SLC14A2: variants seen among roughly 807,000 people sequenced by gnomAD.
SLC14A2 encodes the protein urea transporter 2.
In SLC14A2, 91 loss-of-function variants were observed where a neutral mutation model predicts 104.6. The observed-to-expected ratio is 0.87, with a 90% CI of 0.73 to 1.04. SLC14A2 has a LOEUF of 1.04. SLC14A2 is among the 50% of genes least tolerant of loss of function. The pLI is 0.00. For synonymous variants in SLC14A2, 476 were observed against 466.4 expected (o/e 1.02, Z -0.27); for missense variants, 1,189 against 1,156.0 (o/e 1.03, Z -0.41).
At chr18:45,351,158 AAAC>A (rs1203563656) in intron 1 of SLC14A2, among the ~76,000 whole-genome samples, 2 of 152,116 alleles carry the variant, frequency 1.3e-5, no homozygotes, top group Non-Finnish European at 2.9e-5. Context: ...CAATTGCTGG[AAAC>A]ATAATCACCT....
intron 10 of SLC14A2, among the ~76,000 whole-genome samples, chr18:45,659,108 G>A (rs1331938903): frequency 6.6e-6 from 1 of 152,168 alleles, no homozygotes; most frequent in Non-Finnish European, 1.5e-5. Context: ...CAGGTATGCC[G>A]AGGAGTTACT....
intron 1 of SLC14A2, among the ~76,000 whole-genome samples, chr18:45,297,873 G>A (rs1260777344): frequency 1.3e-5 from 2 of 152,146 alleles, no homozygotes; most frequent in African/African-American, 4.8e-5. Context: ...TGGCTGCTGG[G>A]TATGGGCATC....
intron 1 of SLC14A2, among the ~76,000 whole-genome samples, chr18:45,314,681 C>A (rs761155166): frequency 1.3e-5 from 2 of 152,166 alleles, no homozygotes; most frequent in Non-Finnish European, 2.9e-5. Context: ...AGAGAATAGG[C>A]ACATTTTTTG....
At chr18:45,428,229 T>G (rs2086463066) in intron 1 of SLC14A2, among the ~76,000 whole-genome samples, 1 of 152,210 alleles carries the variant, frequency 6.6e-6, no homozygotes, top group South Asian at 2.1e-4. Flanking sequence ...GCTAGACATT[T>G]ACAGGGAAAA....
chr18:45,258,540 G>T (rs1365755026), intron 1 of SLC14A2, among the ~76,000 whole-genome samples: 1 of 143,198 alleles, frequency 7.0e-6, no homozygotes, highest in Non-Finnish European at 1.5e-5. Flanking sequence ...GGATAAGCTA[G>T]GTACTTTTGT....
intron 1 of SLC14A2, among the ~76,000 whole-genome samples, chr18:45,384,838 C>T (rs1362037434): frequency 1.3e-5 from 2 of 152,184 alleles, no homozygotes; most frequent in African/African-American, 4.8e-5. Flanking sequence ...TAGCCAATTG[C>T]TGTCAATTAT....
chr18:45,303,973 G>A (rs1599658997), intron 1 of SLC14A2, among the ~76,000 whole-genome samples: 1 of 152,294 alleles, frequency 6.6e-6, no homozygotes, highest in East Asian at 1.9e-4. Flanking sequence ...AACAACTGAA[G>A]TGTTTTTCTA....
At chr18:45,286,808 G>A (rs183076822) in intron 1 of SLC14A2, among the ~76,000 whole-genome samples, 185 of 152,162 alleles carry the variant, frequency 1.2e-3, no homozygotes, top group African/African-American at 4.0e-3. Context: ...TGGAAATGAC[G>A]GAAGGGCTAT....
chr18:45,368,469 G>A (rs945712213), intron 1 of SLC14A2, among the ~76,000 whole-genome samples: 1 of 152,250 alleles, frequency 6.6e-6, no homozygotes, highest in Non-Finnish European at 1.5e-5. Context: ...AGATGTGGCT[G>A]GAGTAGACAA....
At chr18:45,324,120 C>A (rs1448213088) in intron 1 of SLC14A2, among the ~76,000 whole-genome samples, 3 of 152,150 alleles carry the variant, frequency 2.0e-5, no homozygotes, top group African/African-American at 7.2e-5. Flanking sequence ...AGGTATTGAA[C>A]TTTCCATGCC....
chr18:45,652,967 A>G (rs572297986), intron 10 of SLC14A2, among the ~76,000 whole-genome samples: 2 of 152,034 alleles, frequency 1.3e-5, no homozygotes, highest in Non-Finnish European at 2.9e-5. Flanking sequence ...TATTGCTCAC[A>G]GGTGGCTCCC....
intron 4 of SLC14A2, among the ~76,000 whole-genome samples, chr18:45,631,589 A>G (rs2045346911): frequency 6.6e-6 from 1 of 152,232 alleles, no homozygotes; most frequent in African/African-American, 2.4e-5. Flanking sequence ...GCAGACATGC[A>G]GAGAGAAAGT....
chr18:45,566,341 CATTAGGATAT>C (rs1457849495), intron 2 of SLC14A2, among the ~76,000 whole-genome samples: 1 of 152,166 alleles, frequency 6.6e-6, no homozygotes, highest in Non-Finnish European at 1.5e-5. Context: ...CCTGTGTTCT[CATTAGGATAT>C]ACTGCCTTCA....
At chr18:45,332,184 T>C (rs904570762) in intron 1 of SLC14A2, among the ~76,000 whole-genome samples, 2 of 152,214 alleles carry the variant, frequency 1.3e-5, no homozygotes, top group African/African-American at 4.8e-5. Flanking sequence ...TGGCAATCAG[T>C]TCTGGTTTCA....
chr18:45,208,312 C>T (rs1042032969), upstream of SLC14A2, among the ~76,000 whole-genome samples: 2 of 152,100 alleles, frequency 1.3e-5, no homozygotes, highest in African/African-American at 4.8e-5. Context: ...AATAATAAAG[C>T]TTTGTCGTGA....
intron 1 of SLC14A2, among the ~76,000 whole-genome samples, chr18:45,223,579 G>A (rs1411586403): frequency 6.6e-6 from 1 of 152,206 alleles, no homozygotes; most frequent in Non-Finnish European, 1.5e-5. Flanking sequence ...TGATGTGTGT[G>A]TTGGTGGGAG....
chr18:45,316,922 T>C (rs534852336), intron 1 of SLC14A2, among the ~76,000 whole-genome samples: 1 of 152,320 alleles, frequency 6.6e-6, no homozygotes, highest in East Asian at 1.9e-4. Context: ...GAGTGTTCAC[T>C]CCATAGGCCC....
chr18:45,221,801 C>T (rs2084065099), intron 1 of SLC14A2, among the ~76,000 whole-genome samples: 1 of 151,938 alleles, frequency 6.6e-6, no homozygotes, highest in African/African-American at 2.4e-5. Context: ...GTGTAGAGGT[C>T]AGCAAAGACT....
the SLC14A2 span, among the ~76,000 whole-genome samples, chr18:45,172,495 T>C: frequency 3.3e-5 from 5 of 152,282 alleles, no homozygotes; most frequent in Admixed American, 1.3e-4. Context: ...TTATCTACCT[T>C]GTTTATATGT....
Sources: gnomAD v4.1 joint callset for allele counts (sites outside exome capture counted in the v4.1 genomes callset) on GRCh38, gnomAD v4.1.1 for gene constraint, MANE v1.5 for transcripts, NCBI Gene and HGNC (gene_info 2026-07-23, HGNC 2026-07-21) for gene names.